The following HS6ST3 variants were observed in gnomAD, a reference collection of about 807,000 sequenced individuals.
The protein encoded by HS6ST3 is heparan sulfate 6-O-sulfotransferase 3.
HS6ST3 carries 12 observed loss-of-function variants against 36.7 expected under a neutral mutation model. That is an observed-to-expected ratio of 0.33 (90% CI 0.21 to 0.53). The LOEUF (loss-of-function observed/expected upper bound fraction) is 0.53. Among genes scored for constraint, HS6ST3 ranks in the 20% least tolerant of loss-of-function variants. The pLI, the probability that HS6ST3 is intolerant of heterozygous loss-of-function variation, is 0.95. For missense variants in HS6ST3, 584 were observed against 640.9 expected (o/e 0.91, Z 0.96); for synonymous variants, 240 against 257.5 (o/e 0.93, Z 0.65).
chr13:96,147,878 G>A (rs2054065830), intron 1 of HS6ST3, among the ~76,000 whole-genome samples: 2 of 152,220 alleles, frequency 1.3e-5, no homozygotes, highest in African/African-American at 4.8e-5. Context: ...ACAATGTAGT[G>A]TGAAAGCACT....
At chr13:96,701,308 A>G (rs1271697981) in intron 1 of HS6ST3, among the ~76,000 whole-genome samples, 1 of 152,168 alleles carries the variant, frequency 6.6e-6, no homozygotes, top group Non-Finnish European at 1.5e-5. Flanking sequence ...AATGTTAATT[A>G]CTGGTCTGAT....
chr13:96,511,584 ATTTTT>A (rs1384900817), intron 1 of HS6ST3, among the ~76,000 whole-genome samples: 2 of 150,390 alleles, frequency 1.3e-5, no homozygotes, highest in East Asian at 3.9e-4. Context: ...TCTGTTTCTT[ATTTTT>A]GTTTGTTTGA....
At chr13:96,764,733 T>C (rs533203872) in intron 1 of HS6ST3, among the ~76,000 whole-genome samples, 53 of 152,324 alleles carry the variant, frequency 3.5e-4, no homozygotes, top group Middle Eastern at 6.8e-3. Flanking sequence ...GGCGATCTTT[T>C]TGTGCCACTT....
chr13:96,790,590 C>T (rs1255836575), intron 1 of HS6ST3, among the ~76,000 whole-genome samples: 2 of 151,982 alleles, frequency 1.3e-5, no homozygotes, highest in African/African-American at 4.8e-5. Flanking sequence ...GTTTCTACTG[C>T]ATGTTAAGTA....
intron 1 of HS6ST3, among the ~76,000 whole-genome samples, chr13:96,585,312 C>T (rs1453086856): frequency 6.6e-6 from 1 of 151,992 alleles, no homozygotes; most frequent in Non-Finnish European, 1.5e-5. Context: ...ACGAAGTTCA[C>T]AAATCATAAG....
chr13:96,216,782 A>G (rs1220422352), intron 1 of HS6ST3, among the ~76,000 whole-genome samples: 1 of 152,188 alleles, frequency 6.6e-6, no homozygotes, highest in Non-Finnish European at 1.5e-5. Flanking sequence ...TCCTGGCCAA[A>G]GCACAGATCA....
At chr13:96,559,721 T>C (rs1294494000) in intron 1 of HS6ST3, among the ~76,000 whole-genome samples, 5 of 151,600 alleles carry the variant, frequency 3.3e-5, no homozygotes, top group Non-Finnish European at 5.9e-5. Context: ...CTGCAGATTA[T>C]TCTTTTTTTT....
At chr13:96,219,710 G>A (rs1245556057) in intron 1 of HS6ST3, among the ~76,000 whole-genome samples, 1 of 151,478 alleles carries the variant, frequency 6.6e-6, no homozygotes, top group Non-Finnish European at 1.5e-5. Context: ...TTGAGACGAA[G>A]TCTCACTCTG....
chr13:96,297,084 G>A (rs1162652233), intron 1 of HS6ST3, among the ~76,000 whole-genome samples: 1 of 151,794 alleles, frequency 6.6e-6, no homozygotes, highest in African/African-American at 2.4e-5. Context: ...AGACTCTTTA[G>A]CATTTTTTTC....
At chr13:96,132,139 C>T (rs963266383) in intron 1 of HS6ST3, among the ~76,000 whole-genome samples, 1 of 144,870 alleles carries the variant, frequency 6.9e-6, no homozygotes, top group African/African-American at 2.8e-5. Context: ...CACACACACA[C>T]ACACACACAC....
chr13:96,813,278 T>C (rs1878357163), intron 1 of HS6ST3, among the ~76,000 whole-genome samples: 1 of 152,112 alleles, frequency 6.6e-6, no homozygotes, highest in Non-Finnish European at 1.5e-5. Context: ...TGTATTCAAT[T>C]TTAGGAGAAT....
chr13:96,537,412 C>G (rs536487039), intron 1 of HS6ST3, among the ~76,000 whole-genome samples: 2 of 152,236 alleles, frequency 1.3e-5, no homozygotes, highest in South Asian at 4.2e-4. Context: ...CCTCCTATAC[C>G]TGAGGAAGAC....
At chr13:96,788,663 T>C (rs1320160215) in intron 1 of HS6ST3, among the ~76,000 whole-genome samples, 1 of 151,934 alleles carries the variant, frequency 6.6e-6, no homozygotes, top group Non-Finnish European at 1.5e-5. Context: ...CTGTTTTTCC[T>C]TTCAGTTATA....
chr13:96,827,444 T>C (rs891713984), intron 1 of HS6ST3, among the ~76,000 whole-genome samples: 5 of 152,222 alleles, frequency 3.3e-5, no homozygotes, highest in African/African-American at 4.8e-5. Context: ...TTATTATTAC[T>C]TCTAACTTTC....
At chr13:96,692,275 A>G (rs1033250213) in intron 1 of HS6ST3, among the ~76,000 whole-genome samples, 2 of 152,268 alleles carry the variant, frequency 1.3e-5, no homozygotes, top group East Asian at 1.9e-4. Flanking sequence ...AGTCCCTAAT[A>G]CACATCCTCC....
At chr13:96,341,304 G>A (rs967632367) in intron 1 of HS6ST3, among the ~76,000 whole-genome samples, 10 of 152,084 alleles carry the variant, frequency 6.6e-5, no homozygotes, top group Admixed American at 2.0e-4. Context: ...GGAGGGGCTC[G>A]TATTTCATTT....
chr13:96,237,349 CTCCTCT>C (rs2054539467), intron 1 of HS6ST3, among the ~76,000 whole-genome samples: 1 of 151,808 alleles, frequency 6.6e-6, no homozygotes, highest in Admixed American at 6.6e-5. Flanking sequence ...GAAAATATCC[CTCCTCT>C]TCCTCTTCCT....
At chr13:96,782,535 T>C (rs1465020605) in intron 1 of HS6ST3, among the ~76,000 whole-genome samples, 3 of 152,170 alleles carry the variant, frequency 2.0e-5, no homozygotes, top group African/African-American at 7.2e-5. Flanking sequence ...CAAGTTGTGA[T>C]ACAGGGAAAT....
At chr13:96,395,390 A>T (rs1007280771) in intron 1 of HS6ST3, among the ~76,000 whole-genome samples, 3 of 152,178 alleles carry the variant, frequency 2.0e-5, no homozygotes, top group African/African-American at 7.2e-5. Context: ...CTCCCGCACT[A>T]AGTCTGCTGT....
Sources: allele counts gnomAD v4.1 joint callset (sites outside exome capture counted in the v4.1 genomes callset), GRCh38; gene constraint gnomAD v4.1.1; transcripts MANE v1.5; gene names NCBI Gene and HGNC (gene_info 2026-07-23, HGNC 2026-07-21).